BANF2: variants seen among roughly 807,000 people sequenced by gnomAD.
BANF2 encodes the protein barrier-to-autointegration factor-like protein.
Under a neutral mutation model 8.0 loss-of-function variants are expected in BANF2, and 4 were observed. The ratio of observed to expected loss-of-function variants is 0.50; its 90% CI spans 0.25 to 1.14. The LOEUF is 1.14. Among genes scored for constraint, BANF2 ranks in the 50% most tolerant of loss-of-function variants. The pLI, the probability that BANF2 is intolerant of heterozygous loss-of-function variation, is 0.16. For missense variants in BANF2, 96 were observed against 107.5 expected (o/e 0.89, Z 0.47); for synonymous variants, 50 against 40.6 (o/e 1.23, Z -0.88).
intron 1 of BANF2, among the ~76,000 whole-genome samples, chr20:17,704,190 G>A (rs2037449777): frequency 1.3e-5 from 2 of 152,230 alleles, no homozygotes; most frequent in Non-Finnish European, 2.9e-5. Flanking sequence ...TGGGCAGGAT[G>A]TTCATACCAG....
intron 3 of BANF2, among the ~76,000 whole-genome samples, chr20:17,725,837 C>G (rs2328215): frequency 0.98 from 148,762 of 152,304 alleles, 72,680 homozygotes; most frequent in East Asian, 1. Context: ...AGCTGTTGCT[C>G]TTCATTCTCC....
chr20:17,732,774 T>C (rs2037918622), intron 3 of BANF2, among the ~76,000 whole-genome samples: 1 of 152,164 alleles, frequency 6.6e-6, no homozygotes, highest in South Asian at 2.1e-4. Flanking sequence ...TGTGTTTCTG[T>C]GTCACCCCTC....
upstream of BANF2, among the ~76,000 whole-genome samples, chr20:17,697,933 G>A (rs1294097939): frequency 3.9e-5 from 6 of 152,174 alleles, no homozygotes; most frequent in East Asian, 1.9e-4. Flanking sequence ...GGCCGGGTAC[G>A]GTGGGTCATG....
At chr20:17,717,912 A>G (rs540614401) in intron 1 of BANF2, among the ~76,000 whole-genome samples, 10 of 152,344 alleles carry the variant, frequency 6.6e-5, no homozygotes, top group African/African-American at 2.2e-4. Flanking sequence ...AAAATAAGAT[A>G]ATCTCACAGT....
intron 1 of BANF2, among the ~76,000 whole-genome samples, chr20:17,700,439 A>G (rs548993546): frequency 6.6e-5 from 10 of 152,302 alleles, no homozygotes; most frequent in African/African-American, 2.4e-4. Context: ...CATTGGCCAA[A>G]TGACACACCA....
chr20:17,701,095 G>A (rs1371295034), intron 1 of BANF2, among the ~76,000 whole-genome samples: 1 of 152,164 alleles, frequency 6.6e-6, no homozygotes, highest in East Asian at 1.9e-4. Context: ...AGTTTTATAT[G>A]TGATGGGCTG....
intron 3 of BANF2, chr20:17,731,551 A>G (rs1176958170): frequency 6.8e-6 from 1 of 147,216 alleles, no homozygotes; most frequent in Non-Finnish European, 1.5e-5. Context: ...TCAGCCAGCT[A>G]TTTAATTTTT....
chr20:17,717,737 G>A (rs1009797271), intron 1 of BANF2, among the ~76,000 whole-genome samples: 1 of 152,152 alleles, frequency 6.6e-6, no homozygotes, highest in African/African-American at 2.4e-5. Context: ...CAAAATGTGA[G>A]CAGCAACAGT....
At chr20:17,732,965 G>T (rs1021950362) in intron 3 of BANF2, among the ~76,000 whole-genome samples, 2 of 152,228 alleles carry the variant, frequency 1.3e-5, no homozygotes, top group Non-Finnish European at 2.9e-5. Context: ...GCTCAGGGAA[G>T]AAGGGAGAAG....
chr20:17,715,695 G>A (rs6111631), intron 1 of BANF2, among the ~76,000 whole-genome samples: 23,574 of 152,272 alleles, frequency 0.15, 1,897 homozygotes, highest in Middle Eastern at 0.29. Flanking sequence ...CCAGCACAGT[G>A]CTCGGTACAC....
intron 1 of BANF2, among the ~76,000 whole-genome samples, chr20:17,716,856 A>AG (rs2037661441): frequency 6.6e-6 from 1 of 150,880 alleles, no homozygotes; most frequent in Middle Eastern, 3.2e-3. Context: ...AAAAAAAAAA[A>AG]AAAAAGAAAG....
At chr20:17,706,793 T>C (rs1265024835) in intron 1 of BANF2, among the ~76,000 whole-genome samples, 1 of 152,124 alleles carries the variant, frequency 6.6e-6, no homozygotes, top group Non-Finnish European at 1.5e-5. Flanking sequence ...TGCAGATCAG[T>C]GCAAAGGTCT....
At chr20:17,729,129 G>A (rs2037856561) in intron 3 of BANF2, among the ~76,000 whole-genome samples, 2 of 152,232 alleles carry the variant, frequency 1.3e-5, no homozygotes. Flanking sequence ...AGAGCCGTAA[G>A]GGAGAAAGGA....
In BANF2 at chr20:17,703,242, T is replaced by G. The variant is rs543708483; in HGVS notation, c.-167+3187T>G. On this transcript the variant is annotated intron_variant, in intron 1 of 3. Coordinates refer to ENST00000246090, the MANE Select transcript of BANF2 (RefSeq NM_178477.5). Reference sequence around the variant, plus strand: ...CCCCAGCCCCATTCCAATTGCTCCTTATCTCTCTGAAGTTACGTTTGTGTG... The same window carrying G: ...CCCCAGCCCCATTCCAATTGCTCCTGATCTCTCTGAAGTTACGTTTGTGTG... Among the ~76,000 whole-genome samples the G allele has an allele frequency of 4.6e-5, 7 of 152,324 alleles. No individual in the cohort carries two copies. The South Asian group carries it at 1.2e-3, about 27-fold the overall frequency.
chr20:17,714,832 G>T (rs1357675710), intron 1 of BANF2, among the ~76,000 whole-genome samples: 1 of 152,078 alleles, frequency 6.6e-6, no homozygotes, highest in Non-Finnish European at 1.5e-5. Context: ...ACTATAAATA[G>T]CCTCATGTCA....
At chr20:17,704,773 T>A (rs1202710298) in intron 1 of BANF2, among the ~76,000 whole-genome samples, 1 of 152,220 alleles carries the variant, frequency 6.6e-6, no homozygotes, top group Admixed American at 6.5e-5. Flanking sequence ...GGAGCACATA[T>A]GGCTTCAGGA....
intron 3 of BANF2, among the ~76,000 whole-genome samples, chr20:17,735,315 A>C (rs1025345699): frequency 6.6e-6 from 1 of 152,162 alleles, no homozygotes; most frequent in African/African-American, 2.4e-5. Context: ...AGCTGGGAGC[A>C]TGTTAGAAAT....
intron 1 of BANF2, among the ~76,000 whole-genome samples, chr20:17,721,118 TCTTC>T (rs1262077591): frequency 1.3e-5 from 2 of 152,188 alleles, no homozygotes; most frequent in African/African-American, 4.8e-5. Flanking sequence ...TCATTTCCTC[TCTTC>T]CTTCCTTCCT....
intron 1 of BANF2, among the ~76,000 whole-genome samples, chr20:17,701,260 G>T (rs970505449): frequency 6.6e-6 from 1 of 152,190 alleles, no homozygotes; most frequent in Non-Finnish European, 1.5e-5. Context: ...CCTGCAGCAG[G>T]TTTAATTTGG....
Sources: gnomAD v4.1 joint callset for allele counts (sites outside exome capture counted in the v4.1 genomes callset) on GRCh38, gnomAD v4.1.1 for gene constraint, MANE v1.5 for transcripts, NCBI Gene and HGNC (gene_info 2026-07-23, HGNC 2026-07-21) for gene names.